SRPK2: variants seen among roughly 807,000 people sequenced by gnomAD.
SRPK2 encodes SFRS protein kinase 2.
In SRPK2, 21 loss-of-function variants were observed where a neutral mutation model predicts 90.8. The ratio of observed to expected loss-of-function variants is 0.23; its 90% CI spans 0.16 to 0.33. The LOEUF is 0.33. Ranked by LOEUF, SRPK2 falls within the 10% of genes least tolerant of loss-of-function variation. The pLI, the probability that SRPK2 is intolerant of heterozygous loss-of-function variation, is 1.00. For synonymous variants in SRPK2, 288 were observed against 311.1 expected (o/e 0.93, Z 0.78); for missense variants, 620 against 869.0 (o/e 0.71, Z 3.60).
chr7:105,198,629 C>T (rs983411644), intron 3 of SRPK2, among the ~76,000 whole-genome samples: 1 of 152,088 alleles, frequency 6.6e-6, no homozygotes, highest in African/African-American at 2.4e-5. Flanking sequence ...TGGGTATAGA[C>T]AGCATGAAGT....
intron 3 of SRPK2, among the ~76,000 whole-genome samples, chr7:105,187,028 TG>T (rs1793667080): frequency 6.6e-6 from 1 of 152,240 alleles, no homozygotes; most frequent in South Asian, 2.1e-4. Flanking sequence ...CCAGATACCG[TG>T]AAGCAATGGG....
Position 105,160,578 on chromosome 7 carries a change from G to C in SRPK2, c.550C>G (p.Leu184Val). Residue 184 changes from leucine to valine, a missense_variant, in exon 7 of 16, where the codon CTC (leucine) becomes GTC (valine). Transcript: ENST00000393651. ...CMVFEVLGHH[L>V]LKWIIKSNYQ... is the part of the protein sequence containing the mutation. ...TTGGATTTGATGATCCACTTGAGGA[G>C]ATGGTGGCCAAGTACTTCGAAGACC... is the stretch of plus-strand genomic sequence containing the variant. 6.2e-7 allele frequency: 1 copy of C among 1,613,696 alleles called. No individual in the cohort carries two copies. Among genetic ancestry groups the C allele is most frequent in the Admixed American group, 1.7e-5 (1 of 60,018 alleles).
intron 2 of SRPK2, among the ~76,000 whole-genome samples, chr7:105,331,308 CAAAAAA>C (rs57653042): frequency 0.025 from 1,110 of 44,736 alleles, no homozygotes; most frequent in South Asian, 0.076. Flanking sequence ...GACTCCGTCT[CAAAAAA>C]AAAAAAAAAA....
chr7:105,203,666 T>C lies in SRPK2; in HGVS notation c.191A>G (p.Asp64Gly). 6.4e-7 allele frequency: 1 copy of C among 1,554,628 alleles called. No individual in the cohort carries two copies. Among genetic ancestry groups the C allele is most frequent in the Non-Finnish European group, 8.7e-7 (1 of 1,155,236 alleles). The change falls in exon 3 of 16, where the codon GAT becomes GGT. Residue 64 changes from aspartate to glycine, a missense_variant. By Grantham distance (94) the Asp-to-Gly change is moderately conservative (BLOSUM62 -1). Around this residue, in one of 8 missense-constraint regions of SRPK2, gnomAD observed 196 missense variants for 339.2 expected, o/e 0.58. Coordinates refer to ENST00000393651, the MANE Select transcript of SRPK2 (RefSeq NM_182692.3). ...CGCAGGGTCCTCTTGCTCCTCATCA[T>C]CTGATCCCAGGATCTCCTCCTCTGG... Reference protein sequence around the residue: ...PEPEEEILGSDDEEQEDPADY... With the variant: ...PEPEEEILGSGDEEQEDPADY...
rs1389284330 is a variant in SRPK2, at chr7:105,388,472, C to T, written c.71+176G>A. Among the ~76,000 whole-genome samples, 3 of 147,416 alleles carry T rather than the reference C, an allele frequency of 2.0e-5. No individual in the cohort carries two copies. In the East Asian group the frequency reaches 5.9e-4, roughly 29 times the overall value. Reference sequence around the variant, plus strand: ...ACCGGCCGCGGCCCGCGCGCCCCTCCCCCGCCGCCGCCCCTCCCCCCGGGC... The same window carrying T: ...ACCGGCCGCGGCCCGCGCGCCCCTCTCCCGCCGCCGCCCCTCCCCCCGGGC... On this transcript the variant is annotated intron_variant, in intron 2 of 15. Transcript: ENST00000393651.
upstream of SRPK2, chr7:105,389,401 G>A: frequency 8.0e-7 from 1 of 1,247,302 alleles, no homozygotes; most frequent in Non-Finnish European, 1.0e-6. Flanking sequence ...CGGCAGGCGT[G>A]GAAAGGGCAC....
At chr7:105,382,752 GAAGA>G (rs1298349527) in intron 2 of SRPK2, among the ~76,000 whole-genome samples, 1 of 152,128 alleles carries the variant, frequency 6.6e-6, no homozygotes, top group Non-Finnish European at 1.5e-5. Flanking sequence ...GCTTAGATTT[GAAGA>G]GAGAGTGACT....
chr7:105,363,305 T>C (rs1347113691), intron 2 of SRPK2, among the ~76,000 whole-genome samples: 1 of 152,064 alleles, frequency 6.6e-6, no homozygotes, highest in Non-Finnish European at 1.5e-5. Context: ...ATCCAGAATC[T>C]ACAAAGAACT....
intron 2 of SRPK2, among the ~76,000 whole-genome samples, chr7:105,376,090 G>A (rs964720213): frequency 4.4e-5 from 6 of 136,134 alleles, no homozygotes; most frequent in South Asian, 2.4e-4. Context: ...GCCTTCCCAG[G>A]TTCACACCAT....
chr7:105,326,460 A>G (rs1299739268), intron 2 of SRPK2, among the ~76,000 whole-genome samples: 1 of 152,210 alleles, frequency 6.6e-6, no homozygotes, highest in Non-Finnish European at 1.5e-5. Context: ...TTTTTCATGG[A>G]TAGACAAGGC....
At chr7:105,222,641 CATT>C (rs1345753328) in intron 2 of SRPK2, among the ~76,000 whole-genome samples, 1 of 152,176 alleles carries the variant, frequency 6.6e-6, no homozygotes, top group African/African-American at 2.4e-5. Context: ...AGTTTTCCAT[CATT>C]AGTTACATTT....
In SRPK2 at chr7:105,170,835, GGAAGAAAGAAAGAAAGAAAGAAAGAAAGA is replaced by G. The variant is rs1174356673; in HGVS notation, c.230-1599_230-1571del. Among the ~76,000 whole-genome samples the G allele has an allele frequency of 2.4e-3, 238 of 98,930 alleles. 4 individuals carry two copies. Among genetic ancestry groups the G allele is most frequent in the Non-Finnish European group, 4.0e-3 (199 of 49,812 alleles). 64.9% of individuals were successfully genotyped at this position (98,930 alleles called of 152,430 possible). The stretch of plus-strand genomic sequence containing the variant: ...AGAGAGGGAGAGAAAGAGAAAGAAA[GGAAGAAAGAAAGAAAGAAAGAAAGAAAGA>G]AAGAAAGAAAGAAAGAAAGAAAGAA... On this transcript the variant is annotated intron_variant, in intron 3 of 15. Transcript: ENST00000393651.
rs985681294 is a variant in SRPK2, at chr7:105,350,429, G to A, written c.71+38219C>T. 3.1e-4 allele frequency among the ~76,000 whole-genome samples: 46 copies of A among 150,040 alleles called. 1 individual carries two copies. The highest frequency in any genetic ancestry group is 4.2e-4 in the South Asian group (2 of 4,740). On this transcript the variant is annotated intron_variant, in intron 2 of 15. Coordinates refer to ENST00000393651, the MANE Select transcript of SRPK2 (RefSeq NM_182692.3). ...CAGGCATGAGCCACCGCGCCTGGCC[G>A]AACAGTGCCTATCTTGATACAGCTG...
At chr7:105,188,854 C>T (rs1034204284) in intron 3 of SRPK2, among the ~76,000 whole-genome samples, 5 of 152,130 alleles carry the variant, frequency 3.3e-5, no homozygotes, top group Non-Finnish European at 7.4e-5. Context: ...ATCAAACATG[C>T]CTGGGCCCTT....
chr7:105,263,088 A>G (rs923040073), intron 2 of SRPK2, among the ~76,000 whole-genome samples: 1 of 152,170 alleles, frequency 6.6e-6, no homozygotes, highest in African/African-American at 2.4e-5. Flanking sequence ...GCACTTTGGG[A>G]GGCTGAGGTG....
At chr7:105,333,627 G>A (rs1814704832) in intron 2 of SRPK2, among the ~76,000 whole-genome samples, 3 of 152,152 alleles carry the variant, frequency 2.0e-5, no homozygotes, top group Admixed American at 6.6e-5. Context: ...TCCAGTAGTA[G>A]TTACTTTCTG....
intron 2 of SRPK2, among the ~76,000 whole-genome samples, chr7:105,206,942 G>A (rs1223813133): frequency 1.3e-5 from 2 of 152,096 alleles, no homozygotes; most frequent in African/African-American, 4.8e-5. Flanking sequence ...GACTTCTAAT[G>A]ACCTACTTCA....
chr7:105,126,519 A>C (rs1471511986), intron 14 of SRPK2, among the ~76,000 whole-genome samples, 179 bp from the exon 15 acceptor site: 2 of 152,226 alleles, frequency 1.3e-5, no homozygotes, highest in African/African-American at 4.8e-5. Context: ...CACCTGGAGC[A>C]GTAACAGTGA....
intron 2 of SRPK2, among the ~76,000 whole-genome samples, chr7:105,291,598 C>T (rs1809031092): frequency 1.3e-5 from 2 of 152,112 alleles, no homozygotes; most frequent in Non-Finnish European, 2.9e-5. Flanking sequence ...GGCATGGTGG[C>T]GCACGCCTAT....
Sources: gnomAD v4.1 joint callset for allele counts (sites outside exome capture counted in the v4.1 genomes callset) on GRCh38, gnomAD v4.1.1 for gene constraint, gnomAD v4.1.1 regional missense constraint, MANE v1.5 for transcripts, NCBI Gene and HGNC (gene_info 2026-07-23, HGNC 2026-07-21) for gene names.